ROBO1: variants seen among roughly 807,000 people sequenced by gnomAD.
The protein encoded by ROBO1 is roundabout guidance receptor 1.
ROBO1 carries 149 observed loss-of-function variants against 195.9 expected under a neutral mutation model. That is an observed-to-expected ratio of 0.76 (90% CI 0.67 to 0.87). The LOEUF (loss-of-function observed/expected upper bound fraction) is 0.87, where lower values mean the gene tolerates loss of function less well. ROBO1 is among the 40% of genes least tolerant of loss of function. The pLI is 0.00. For synonymous variants in ROBO1, 816 were observed against 733.2 expected (o/e 1.11, Z -1.82); for missense variants, 1,933 against 2,068.3 (o/e 0.93, Z 1.27).
At chr3:79,629,350 C>A (rs1232752641) in intron 1 of ROBO1, among the ~76,000 whole-genome samples, 3 of 151,714 alleles carry the variant, frequency 2.0e-5, no homozygotes, top group African/African-American at 7.3e-5. Flanking sequence ...CAAGAGGAAC[C>A]CTCAAAACTA....
At chr3:79,346,546 T>C (rs2109246295) in intron 2 of ROBO1, among the ~76,000 whole-genome samples, 1 of 152,258 alleles carries the variant, frequency 6.6e-6, no homozygotes, top group Admixed American at 6.5e-5. Context: ...CATATACTTT[T>C]AGGACAGCTA....
At chr3:79,450,500 A>G (rs1276203185) in intron 2 of ROBO1, among the ~76,000 whole-genome samples, 1 of 152,298 alleles carries the variant, frequency 6.6e-6, no homozygotes, top group East Asian at 1.9e-4. Flanking sequence ...CGAATAATGT[A>G]TTAGTTTTAT....
intron 4 of ROBO1, among the ~76,000 whole-genome samples, chr3:78,839,708 C>G (rs939127424): frequency 5.9e-5 from 9 of 152,142 alleles, no homozygotes; most frequent in African/African-American, 2.2e-4. Context: ...ACTGAAAATC[C>G]CAGCCTTGTC....
chr3:79,621,126 C>T (rs1184228917), intron 1 of ROBO1, among the ~76,000 whole-genome samples: 1 of 152,148 alleles, frequency 6.6e-6, no homozygotes, highest in Non-Finnish European at 1.5e-5. Flanking sequence ...CTTGGACTGA[C>T]CCTGATACCA....
chr3:79,615,333 C>T (rs906829760), intron 1 of ROBO1, among the ~76,000 whole-genome samples: 1 of 152,144 alleles, frequency 6.6e-6, no homozygotes, highest in South Asian at 2.1e-4. Flanking sequence ...GACCTAGAAG[C>T]CTCCACTTTG....
chr3:78,973,544 A>AAGCTATATATATATT (rs2076817993), intron 3 of ROBO1, among the ~76,000 whole-genome samples: 1 of 141,908 alleles, frequency 7.0e-6, no homozygotes, highest in African/African-American at 2.6e-5. Flanking sequence ...TATATATAAG[A>AAGCTATATATATATT]ATATATATAA....
chr3:78,953,639 G>A (rs757341466), intron 3 of ROBO1, among the ~76,000 whole-genome samples: 5 of 152,120 alleles, frequency 3.3e-5, no homozygotes, highest in Non-Finnish European at 4.4e-5. Context: ...AAGAAACAGC[G>A]TGAGGGTAGA....
chr3:79,311,939 G>T (rs1241155426), intron 2 of ROBO1, among the ~76,000 whole-genome samples: 2 of 151,868 alleles, frequency 1.3e-5, no homozygotes, highest in Non-Finnish European at 2.9e-5. Flanking sequence ...ATCCATCCCA[G>T]ACCTTTTACC....
intron 2 of ROBO1, among the ~76,000 whole-genome samples, chr3:79,478,287 T>C (rs1938647543): frequency 6.6e-6 from 1 of 152,104 alleles, no homozygotes; most frequent in African/African-American, 2.4e-5. Context: ...GGGGCTCATA[T>C]CCTGATAAAG....
chr3:79,533,075 C>T (rs1466682177), intron 2 of ROBO1: 1 of 440,808 alleles, frequency 2.3e-6, no homozygotes, highest in Admixed American at 2.5e-5. Flanking sequence ...TATTGTATTA[C>T]AGAATTTTTC....
intron 2 of ROBO1, among the ~76,000 whole-genome samples, chr3:79,290,172 G>A (rs915685679): frequency 1.3e-5 from 2 of 152,032 alleles, no homozygotes; most frequent in African/African-American, 4.8e-5. Context: ...CCTAGTAGCT[G>A]GGAGTAGTCC....
chr3:78,680,337 CT>C (rs1447009861), intron 10 of ROBO1, among the ~76,000 whole-genome samples: 1 of 152,144 alleles, frequency 6.6e-6, no homozygotes, highest in Non-Finnish European at 1.5e-5. Flanking sequence ...CAAATGGGAT[CT>C]AATTGAACTA....
At chr3:79,462,236 T>C (rs1937681376) in intron 2 of ROBO1, among the ~76,000 whole-genome samples, 1 of 152,112 alleles carries the variant, frequency 6.6e-6, no homozygotes, top group Admixed American at 6.6e-5. Context: ...ACTGTGTTGG[T>C]TAAAGTATCA....
At chr3:79,158,872 G>A (rs1018094218) in intron 2 of ROBO1, among the ~76,000 whole-genome samples, 4 of 151,672 alleles carry the variant, frequency 2.6e-5, no homozygotes, top group Non-Finnish European at 5.9e-5. Flanking sequence ...TTTGGGTTGT[G>A]AAGATTATAC....
intron 3 of ROBO1, among the ~76,000 whole-genome samples, chr3:79,038,104 A>G (rs2078414081): frequency 6.6e-6 from 1 of 152,224 alleles, no homozygotes. Context: ...TTCCAATAAA[A>G]TAATTGAAGA....
At chr3:78,677,582 A>G (rs1708516482) in intron 10 of ROBO1, among the ~76,000 whole-genome samples, 1 of 151,742 alleles carries the variant, frequency 6.6e-6, no homozygotes, top group Non-Finnish European at 1.5e-5. Context: ...AAAGAAGGCC[A>G]TTACATAATG....
intron 2 of ROBO1, among the ~76,000 whole-genome samples, chr3:79,392,907 A>C (rs2037008325): frequency 6.6e-6 from 1 of 152,228 alleles, no homozygotes. Context: ...TGAGTTGCCC[A>C]AGGTCACAAA....
intron 2 of ROBO1, among the ~76,000 whole-genome samples, chr3:79,171,325 A>T (rs2081161414): frequency 6.7e-6 from 1 of 148,342 alleles, no homozygotes; most frequent in African/African-American, 2.5e-5. Flanking sequence ...ACTATGCAGG[A>T]GTGTGCTGCC....
At chr3:78,672,272 T>A (rs1210690177) in intron 10 of ROBO1, among the ~76,000 whole-genome samples, 1 of 152,046 alleles carries the variant, frequency 6.6e-6, no homozygotes, top group Non-Finnish European at 1.5e-5. Context: ...AAAAAAACTA[T>A]TATGTAAATC....
Sources: gnomAD v4.1 joint callset for allele counts (sites outside exome capture counted in the v4.1 genomes callset) on GRCh38, gnomAD v4.1.1 for gene constraint, MANE v1.5 for transcripts, NCBI Gene and HGNC (gene_info 2026-07-23, HGNC 2026-07-21) for gene names.